Variants in PRKG1 observed in about 807,000 individuals in gnomAD.
PRKG1 encodes protein kinase cGMP-dependent 1, also known as cGMP-dependent protein kinase 1.
PRKG1 carries 35 observed loss-of-function variants against 88.1 expected under a neutral mutation model. That is an observed-to-expected ratio of 0.40 (90% CI 0.30 to 0.53). The LOEUF is 0.53. Among genes scored for constraint, PRKG1 ranks in the 20% least tolerant of loss-of-function variants. The pLI is 0.59. For synonymous variants in PRKG1, 303 were observed against 292.5 expected, an observed-to-expected ratio of 1.04 and a Z score of -0.37; for missense variants, 540 against 839.8, an observed-to-expected ratio of 0.64 and a Z score of 4.41.
chr10:52,037,029 C>G (rs1189419392), intron 5 of PRKG1, among the ~76,000 whole-genome samples: 1 of 152,284 alleles, frequency 6.6e-6, no homozygotes, highest in Non-Finnish European at 1.5e-5. Flanking sequence ...CAGTGTCAGT[C>G]TTCAGCCGCT....
chr10:52,006,178 A>G (rs1464076369), intron 5 of PRKG1, among the ~76,000 whole-genome samples: 1 of 152,196 alleles, frequency 6.6e-6, no homozygotes, highest in Non-Finnish European at 1.5e-5. Context: ...ATGAGAAAGA[A>G]CCAGTGTAAG....
intron 2 of PRKG1, among the ~76,000 whole-genome samples, chr10:51,244,308 C>CTTTTTTTTTTT (rs76339310): frequency 7.3e-6 from 1 of 136,676 alleles, no homozygotes. Context: ...CCCTTTCTTC[C>CTTTTTTTTTTT]TTTTTTTTTT....
chr10:52,169,604 T>C (rs1379414982), intron 9 of PRKG1, among the ~76,000 whole-genome samples: 1 of 152,170 alleles, frequency 6.6e-6, no homozygotes, highest in Non-Finnish European at 1.5e-5. Context: ...GAAACAATGA[T>C]ATTACATGTT....
chr10:52,000,471 T>C lies in PRKG1; in HGVS notation c.763-54013T>C, dbSNP rs1156950870. Reference sequence around the variant, plus strand: ...TTGAGCTACTCAATGGGAATCTAAATATAGAAGGTGAGAAATCAAGATTGG... The same window carrying C: ...TTGAGCTACTCAATGGGAATCTAAACATAGAAGGTGAGAAATCAAGATTGG... On this transcript the variant is annotated intron_variant, in intron 5 of 17. Coordinates refer to ENST00000373980, the MANE Select transcript of PRKG1 (RefSeq NM_006258.4). Among the ~76,000 whole-genome samples, 4 of 152,166 alleles carry C rather than the reference T, an allele frequency of 2.6e-5. No homozygotes were observed. In the East Asian group the frequency reaches 7.7e-4, roughly 29 times the overall value.
chr10:51,286,280 T>C (rs960322250), intron 2 of PRKG1, among the ~76,000 whole-genome samples: 4 of 152,174 alleles, frequency 2.6e-5, no homozygotes, highest in Admixed American at 6.5e-5. Context: ...CCAGCAGGAA[T>C]CTTTCAAAGG....
intron 8 of PRKG1, among the ~76,000 whole-genome samples, chr10:52,143,462 C>T (rs1391316067): frequency 1.3e-5 from 2 of 152,116 alleles, no homozygotes; most frequent in Non-Finnish European, 2.9e-5. Flanking sequence ...CCAAATGTCT[C>T]CTGTGGGGTG....
chr10:51,990,072 A>G (rs1417271751), intron 5 of PRKG1, among the ~76,000 whole-genome samples: 2 of 152,130 alleles, frequency 1.3e-5, no homozygotes, highest in East Asian at 3.9e-4. Flanking sequence ...AACACTATTT[A>G]TTGAAGAGAC....
intron 2 of PRKG1, among the ~76,000 whole-genome samples, chr10:51,393,305 C>T (rs1252437362): frequency 1.3e-5 from 2 of 151,080 alleles, no homozygotes; most frequent in Middle Eastern, 3.4e-3. Flanking sequence ...GATGGGATGG[C>T]GGCCGGGAAG....
At chr10:51,727,593 T>C (rs890432323) in intron 3 of PRKG1, among the ~76,000 whole-genome samples, 4 of 152,208 alleles carry the variant, frequency 2.6e-5, no homozygotes, top group Admixed American at 6.5e-5. Flanking sequence ...AAATTTCTAC[T>C]ATTTAAATGA....
chr10:51,439,129 C>G (rs535800981), intron 2 of PRKG1, among the ~76,000 whole-genome samples: 1 of 151,704 alleles, frequency 6.6e-6, no homozygotes, highest in East Asian at 1.9e-4. Context: ...TTCGCCCCCC[C>G]TTACGAACAT....
chr10:51,898,970 G>C (rs1385609186), intron 4 of PRKG1, among the ~76,000 whole-genome samples: 2 of 152,118 alleles, frequency 1.3e-5, no homozygotes, highest in African/African-American at 4.8e-5. Flanking sequence ...AAAGTAGTGA[G>C]AGAGAAAAAA....
chr10:51,217,147 G>A (rs1370061065), intron 2 of PRKG1, among the ~76,000 whole-genome samples: 2 of 152,092 alleles, frequency 1.3e-5, no homozygotes, highest in African/African-American at 4.8e-5. Context: ...GTTTATGTAT[G>A]TGTACCTTTA....
intron 5 of PRKG1, among the ~76,000 whole-genome samples, chr10:51,916,805 G>A (rs1842349987): frequency 1.3e-5 from 2 of 152,220 alleles, no homozygotes; most frequent in South Asian, 4.1e-4. Flanking sequence ...TAAATAAAAT[G>A]TGGTATATTC....
chr10:51,663,766 A>G (rs1239214827), intron 3 of PRKG1, among the ~76,000 whole-genome samples: 2 of 151,420 alleles, frequency 1.3e-5, no homozygotes, highest in Non-Finnish European at 2.9e-5. Context: ...TCTTAGATAT[A>G]GCAATGGAAT....
At chr10:52,258,096 A>G (rs1841350618) in intron 10 of PRKG1, among the ~76,000 whole-genome samples, 1 of 139,904 alleles carries the variant, frequency 7.1e-6, no homozygotes. Flanking sequence ...TTGTGAAATT[A>G]CAGAAATTTT....
intron 3 of PRKG1, among the ~76,000 whole-genome samples, chr10:51,491,957 C>T (rs1312958471): frequency 1.3e-5 from 2 of 152,066 alleles, no homozygotes; most frequent in Non-Finnish European, 2.9e-5. Context: ...TGAGTGAAAG[C>T]GATGGTTTTC....
At chr10:51,164,585 C>A (rs1254512641) in intron 2 of PRKG1, among the ~76,000 whole-genome samples, 1 of 152,082 alleles carries the variant, frequency 6.6e-6, no homozygotes, top group East Asian at 1.9e-4. Context: ...AGGCTTCAGA[C>A]AATCAAACTA....
At chr10:51,963,960 A>C (rs942345103) in intron 5 of PRKG1, among the ~76,000 whole-genome samples, 1 of 152,220 alleles carries the variant, frequency 6.6e-6, no homozygotes, top group Non-Finnish European at 1.5e-5. Context: ...GGAGATCAAA[A>C]GTCTGAAACG....
At chr10:51,735,263 G>A (rs16922260) in intron 3 of PRKG1, among the ~76,000 whole-genome samples, 1 of 152,040 alleles carries the variant, frequency 6.6e-6, no homozygotes, top group Non-Finnish European at 1.5e-5. Flanking sequence ...AATTCCTTGC[G>A]CAGAGTTCAG....
Sources: allele counts gnomAD v4.1 joint callset (sites outside exome capture counted in the v4.1 genomes callset), GRCh38; gene constraint gnomAD v4.1.1; transcripts MANE v1.5; gene names NCBI Gene and HGNC (gene_info 2026-07-23, HGNC 2026-07-21).